The following FOCAD variants were observed in gnomAD, a reference collection of about 807,000 sequenced individuals.
FOCAD encodes focadhesin.
Under a neutral mutation model 225.6 loss-of-function variants are expected in FOCAD, and 198 were observed. The ratio of observed to expected loss-of-function variants is 0.88; its 90% CI spans 0.78 to 0.99. FOCAD has a LOEUF of 0.99. Ranked by LOEUF, FOCAD falls within the 50% of genes least tolerant of loss-of-function variation. FOCAD has a pLI of 0.00. For synonymous variants in FOCAD, 897 were observed against 755.0 expected (o/e 1.19, Z -3.08); for missense variants, 2,713 against 2,123.6 (o/e 1.28, Z -5.46).
At chr9:20,775,688 A>G (rs951440773) in intron 8 of FOCAD, among the ~76,000 whole-genome samples, 1 of 152,174 alleles carries the variant, frequency 6.6e-6, no homozygotes, top group Non-Finnish European at 1.5e-5. Flanking sequence ...CCACAGTGGC[A>G]TTCGTAGACC....
At chr9:20,993,042 T>C (rs1471379550) in intron 42 of FOCAD, among the ~76,000 whole-genome samples, 2 of 152,050 alleles carry the variant, frequency 1.3e-5, no homozygotes, top group East Asian at 1.9e-4. Context: ...TTTAACTAAA[T>C]GGGAGCTGTA....
At chr9:20,825,210 G>T (rs1824757431) in intron 15 of FOCAD, among the ~76,000 whole-genome samples, 2 of 150,098 alleles carry the variant, frequency 1.3e-5, no homozygotes, top group South Asian at 4.2e-4. Flanking sequence ...CTGCTGCTAT[G>T]TCCTGTGATG....
intron 1 of FOCAD, among the ~76,000 whole-genome samples, chr9:20,712,142 G>T (rs1042449252): frequency 6.6e-6 from 1 of 152,120 alleles, no homozygotes; most frequent in African/African-American, 2.4e-5. Context: ...TTAGATTCCT[G>T]TATTCGACTT....
chr9:20,880,154 G>C (rs1447184095), intron 19 of FOCAD, among the ~76,000 whole-genome samples: 2 of 152,144 alleles, frequency 1.3e-5, no homozygotes, highest in African/African-American at 4.8e-5. Context: ...TGACAAGAAA[G>C]GGTGGGGGAT....
upstream of FOCAD, among the ~76,000 whole-genome samples, chr9:20,657,202 C>A (rs1267136841): frequency 6.6e-6 from 1 of 151,014 alleles, no homozygotes; most frequent in Admixed American, 6.6e-5. Context: ...TCTCTGGCTG[C>A]CCTTAACATT....
At chr9:20,731,372 T>A (rs1307626563) in intron 4 of FOCAD, among the ~76,000 whole-genome samples, 2 of 152,228 alleles carry the variant, frequency 1.3e-5, no homozygotes, top group Non-Finnish European at 2.9e-5. Flanking sequence ...AGTTATCCTA[T>A]TTGCTAAATG....
chr9:20,939,005 C>A (rs574856133), intron 28 of FOCAD, among the ~76,000 whole-genome samples: 21 of 150,460 alleles, frequency 1.4e-4, no homozygotes, highest in South Asian at 4.2e-4. Context: ...AAAAAATTAG[C>A]AGGGCGTGGT....
intron 21 of FOCAD, among the ~76,000 whole-genome samples, chr9:20,900,739 AATT>A (rs1832485287): frequency 1.3e-5 from 2 of 151,920 alleles, no homozygotes; most frequent in Non-Finnish European, 2.9e-5. Flanking sequence ...GATACTCCAT[AATT>A]ACCATGTGGA....
At chr9:20,952,644 G>A (rs893207426) in intron 34 of FOCAD, 3 of 302,760 alleles carry the variant, frequency 9.9e-6, no homozygotes, top group Admixed American at 1.1e-4. Context: ...GTTGCTGAAC[G>A]CTGAGGAGGT....
intron 28 of FOCAD, among the ~76,000 whole-genome samples, chr9:20,935,284 A>G (rs185406789): frequency 4.6e-5 from 7 of 152,332 alleles, no homozygotes; most frequent in Non-Finnish European, 1.0e-4. Flanking sequence ...AACAACTATC[A>G]TCTTGCAGCT....
At chr9:20,950,104 A>G (rs1006074225) in intron 33 of FOCAD, among the ~76,000 whole-genome samples, 1 of 152,140 alleles carries the variant, frequency 6.6e-6, no homozygotes, top group Non-Finnish European at 1.5e-5. Flanking sequence ...AGACATATTA[A>G]TCTCCTAAGA....
At chr9:20,689,574 G>T (rs148591132) in intron 1 of FOCAD, among the ~76,000 whole-genome samples, 17 of 152,268 alleles carry the variant, frequency 1.1e-4, no homozygotes, top group African/African-American at 4.1e-4. Flanking sequence ...ATTAGGCCTA[G>T]GAGGTATGGG....
intron 15 of FOCAD, among the ~76,000 whole-genome samples, chr9:20,833,048 G>A (rs1395103971): frequency 1.3e-5 from 2 of 151,994 alleles, no homozygotes; most frequent in Non-Finnish European, 2.9e-5. Flanking sequence ...AGGTCATATG[G>A]TAGTTTTATT....
intron 24 of FOCAD, among the ~76,000 whole-genome samples, chr9:20,919,719 C>A (rs1834210696): frequency 6.6e-6 from 1 of 152,138 alleles, no homozygotes; most frequent in Non-Finnish European, 1.5e-5. Flanking sequence ...GGAAAGGATT[C>A]CCTATTTCAT....
intron 26 of FOCAD, among the ~76,000 whole-genome samples, chr9:20,928,714 C>G (rs1460780707): frequency 6.6e-6 from 1 of 152,098 alleles, no homozygotes; most frequent in Admixed American, 6.5e-5. Context: ...TTTTGAATAG[C>G]TGGTTATTGC....
intron 19 of FOCAD, among the ~76,000 whole-genome samples, chr9:20,876,800 A>T (rs1437284608): frequency 6.6e-6 from 1 of 152,206 alleles, no homozygotes; most frequent in Non-Finnish European, 1.5e-5. Flanking sequence ...AATGATATAT[A>T]TTAGTCACCA....
At chr9:20,707,742 A>G (rs889429742) in intron 1 of FOCAD, among the ~76,000 whole-genome samples, 2 of 152,198 alleles carry the variant, frequency 1.3e-5, no homozygotes, top group African/African-American at 4.8e-5. Flanking sequence ...AGGTAGAAGA[A>G]AAGCCACGTA....
chr9:20,865,602 ACT>A (rs1427020703), intron 16 of FOCAD, among the ~76,000 whole-genome samples: 43 of 151,768 alleles, frequency 2.8e-4, no homozygotes, highest in Admixed American at 2.8e-3. Flanking sequence ...AGAAAGGAAA[ACT>A]CTCTTCTGGG....
chr9:20,933,294 C>G (rs1266217161), intron 28 of FOCAD, among the ~76,000 whole-genome samples, 191 bp downstream of exon 28: 1 of 152,204 alleles, frequency 6.6e-6, no homozygotes, highest in Non-Finnish European at 1.5e-5. Context: ...GTGCCCCCAT[C>G]ACCCAAGCAG....
Sources: allele counts gnomAD v4.1 joint callset (sites outside exome capture counted in the v4.1 genomes callset), GRCh38; gene constraint gnomAD v4.1.1; transcripts MANE v1.5; gene names NCBI Gene and HGNC (gene_info 2026-07-23, HGNC 2026-07-21).